Variants in TTK observed in about 807,000 individuals in gnomAD.
The protein encoded by TTK is dual specificity protein kinase TTK.
A neutral mutation model predicts 117.3 loss-of-function variants in TTK; 59 were observed. The observed-to-expected ratio is 0.50, with a 90% CI of 0.41 to 0.62. The LOEUF (loss-of-function observed/expected upper bound fraction) is 0.62. Among genes scored for constraint, TTK ranks in the 20% least tolerant of loss-of-function variants. The pLI is 0.00. For synonymous variants in TTK, 302 were observed against 325.0 expected (o/e 0.93, Z 0.76); for missense variants, 921 against 989.4 (o/e 0.93, Z 0.93).
intron 10 of TTK, among the ~76,000 whole-genome samples, chr6:80,018,962 C>T (rs986762634): frequency 5.9e-5 from 9 of 151,976 alleles, no homozygotes; most frequent in Admixed American, 2.6e-4. Context: ...ATATATTTTC[C>T]GTCTCTATTC....
chr6:80,032,769 T>C (rs1231185148), intron 14 of TTK, among the ~76,000 whole-genome samples: 1 of 152,218 alleles, frequency 6.6e-6, no homozygotes, highest in Non-Finnish European at 1.5e-5. Flanking sequence ...AAGGCAACTT[T>C]TGTATTTTCA....
chr6:80,034,866 A>G (rs1767852685), intron 14 of TTK, 119 bp from the exon 15 acceptor site: 1 of 863,562 alleles, frequency 1.2e-6, no homozygotes, highest in Non-Finnish European at 1.6e-6. Flanking sequence ...GAAACTTTTA[A>G]TGTTCATGTC....
At chr6:80,039,661 A>G in intron 18 of TTK, 35 bp from the exon 19 acceptor site, 2 of 1,467,666 alleles carry the variant, frequency 1.4e-6, no homozygotes, top group Non-Finnish European at 1.8e-6. Context: ...TGAAAATAAC[A>G]GCAACTTTTT....
At chr6:80,005,051 C>T (rs402128) in intron 1 of TTK, 94,021 of 152,058 alleles carry the variant, frequency 0.62, 29,502 homozygotes, top group Admixed American at 0.73. Context: ...AGCGGGTGGC[C>T]GTGATCTGAC....
At chr6:80,018,841 T>G (rs1188883250) in intron 10 of TTK, among the ~76,000 whole-genome samples, 4 of 152,176 alleles carry the variant, frequency 2.6e-5, no homozygotes, top group Non-Finnish European at 5.9e-5. Context: ...CCCTACTTTT[T>G]GTCAGATTGA....
At chr6:80,036,199 C>G (rs942124185) in intron 16 of TTK, among the ~76,000 whole-genome samples, 11 of 152,072 alleles carry the variant, frequency 7.2e-5, no homozygotes, top group Admixed American at 7.2e-4. Flanking sequence ...CTTAAACTCT[C>G]ATTGCCTTAG....
At chr6:80,025,227 C>G (rs1453859327) in intron 11 of TTK, among the ~76,000 whole-genome samples, 1 of 152,170 alleles carries the variant, frequency 6.6e-6, no homozygotes, top group African/African-American at 2.4e-5. Flanking sequence ...AGCAGTTCCT[C>G]AGTAACATCT....
chr6:80,025,859 CTTT>C (rs34381465), intron 11 of TTK, among the ~76,000 whole-genome samples: 1 of 130,224 alleles, frequency 7.7e-6, no homozygotes, highest in Non-Finnish European at 1.7e-5. Flanking sequence ...CCTATAGGTT[CTTT>C]TTTTTTTTTT....
At position 80,035,396 on chromosome 6, in the gene TTK, G is replaced by A; in HGVS notation, c.1903G>A (p.Val635Ile). The change falls in exon 16 of 22, where the codon GTT (valine) becomes ATT (isoleucine). Residue 635 changes from valine to isoleucine, a missense_variant. By Grantham distance (29) the Val-to-Ile change is conservative. Transcript: ENST00000369798. ...TTACTGGAAAAATATGTTAGAGGCAGTTCACACAATCCATCAACATGGTAT... is the reference window on the plus strand; with the variant it reads ...TTACTGGAAAAATATGTTAGAGGCAATTCACACAATCCATCAACATGGTAT... ...KSYWKNMLEAVHTIHQHGIVH... is the reference protein window; with the variant it reads ...KSYWKNMLEAIHTIHQHGIVH... 6.2e-7 allele frequency: 1 copy of A among 1,605,868 alleles called. No homozygotes were observed. Among genetic ancestry groups the A allele is most frequent in the Non-Finnish European group, 8.5e-7 (1 of 1,177,500 alleles).
rs370559286 is a variant in TTK at position 80,012,379 on chromosome 6, A to G, written c.896+399A>G. 2.8e-4 allele frequency among the ~76,000 whole-genome samples: 42 copies of G among 152,122 alleles called. No individual in the cohort carries two copies. In the East Asian group the frequency reaches 7.0e-3, roughly 25 times the overall value. On this transcript the variant is annotated intron_variant, in intron 8 of 21. Coordinates refer to ENST00000369798, the MANE Select transcript of TTK (RefSeq NM_003318.5). ...ATAGTTCAAGGGGAGAATCGCTGTCAGTGGGATAGATGATTATTCTTTTGC... is the reference window on the plus strand; with the variant it reads ...ATAGTTCAAGGGGAGAATCGCTGTCGGTGGGATAGATGATTATTCTTTTGC...
intron 4 of TTK, 73 bp downstream of exon 4, chr6:80,008,565 C>A: frequency 7.4e-7 from 1 of 1,343,386 alleles, no homozygotes; most frequent in Non-Finnish European, 1.0e-6. Flanking sequence ...AATATTAAAT[C>A]ATATATATGA....
intron 11 of TTK, 126 bp downstream of exon 11, chr6:80,022,598 G>A (rs1271369084): frequency 2.7e-6 from 3 of 1,106,116 alleles, no homozygotes; most frequent in African/African-American, 3.2e-5. Context: ...TTTATTTAAA[G>A]GTTTTTAAAA....
intron 9 of TTK, 100 bp downstream of exon 9, chr6:80,013,466 A>C (rs1767220304): frequency 5.2e-6 from 5 of 970,158 alleles, no homozygotes; most frequent in Admixed American, 2.5e-5. Flanking sequence ...TAAATAGTTC[A>C]TGTATCTCCA....
chr6:80,019,105 C>T (rs1001860302), intron 10 of TTK, among the ~76,000 whole-genome samples: 2 of 151,960 alleles, frequency 1.3e-5, no homozygotes, highest in African/African-American at 2.4e-5. Context: ...ACTTTTGTAT[C>T]CATTATAATG....
Position 80,008,020 on chromosome 6 carries a change from T to G in TTK, c.351T>G (p.Ala117=). Residue 117 remains alanine (A), a synonymous_variant, in exon 3 of 22, where the codon GCT becomes GCG. Transcript: ENST00000369798. The part of the protein sequence containing the change: ...ESFARIQVRF[A]ELKAIQEPDD... ...TTGCTAGAATTCAAGTGAGATTTGCTGAATTAAAAGCGTAAGTATTAGCAT... is the reference window on the plus strand; with the variant it reads ...TTGCTAGAATTCAAGTGAGATTTGCGGAATTAAAAGCGTAAGTATTAGCAT... The G allele has an allele frequency of 6.2e-7, 1 of 1,613,322 alleles. No individual in the cohort carries two copies. The highest frequency in any genetic ancestry group is 8.5e-7 in the Non-Finnish European group (1 of 1,179,500).
intron 11 of TTK, among the ~76,000 whole-genome samples, chr6:80,025,936 A>G (rs192125052): frequency 6.6e-6 from 1 of 152,026 alleles, no homozygotes; most frequent in Non-Finnish European, 1.5e-5. Context: ...TGGAGGACAC[A>G]AGATAGGCAT....
intron 2 of TTK, chr6:80,006,217 G>T (rs1266014158): frequency 2.0e-6 from 1 of 504,660 alleles, no homozygotes. Context: ...TGATTAATGG[G>T]TGAAAATGCC....
intron 4 of TTK, among the ~76,000 whole-genome samples, 167 bp downstream of exon 4, chr6:80,008,659 A>G (rs951551926): frequency 6.6e-6 from 1 of 152,178 alleles, no homozygotes; most frequent in African/African-American, 2.4e-5. Flanking sequence ...AATGCAGAGA[A>G]TATCTGTTAT....
chr6:80,027,833 C>T, intron 12 of TTK, 52 bp from the exon 13 acceptor site: 1 of 1,357,494 alleles, frequency 7.4e-7, no homozygotes, highest in East Asian at 2.6e-5. Flanking sequence ...CTGAATCAGA[C>T]TTATTTGTTA....
Sources: allele counts gnomAD v4.1 joint callset (sites outside exome capture counted in the v4.1 genomes callset), GRCh38; gene constraint gnomAD v4.1.1; transcripts MANE v1.5; gene names NCBI Gene and HGNC (gene_info 2026-07-23, HGNC 2026-07-21).